PDE6B: variants seen among roughly 807,000 people sequenced by gnomAD.
PDE6B encodes phosphodiesterase 6B, also known as rod cGMP-specific 3',5'-cyclic phosphodiesterase subunit beta.
Under a neutral mutation model 109.0 loss-of-function variants are expected in PDE6B, and 106 were observed. The observed-to-expected ratio is 0.97, with a 90% CI of 0.83 to 1.14. The LOEUF (loss-of-function observed/expected upper bound fraction) is 1.14. Among genes scored for constraint, PDE6B ranks in the 50% most tolerant of loss-of-function variants. The pLI is 0.00. For missense variants in PDE6B, 1,193 were observed against 1,155.6 expected, an observed-to-expected ratio of 1.03 and a Z score of -0.47; for synonymous variants, 490 against 471.3, an observed-to-expected ratio of 1.04 and a Z score of -0.51.
In PDE6B at chr4:657,580, T is replaced by A. The variant is rs28742266; in HGVS notation, c.1401+86T>A. 0.076 allele frequency: 76,408 copies of A among 1,010,410 alleles called. 6,185 individuals are homozygous for A. The highest frequency in any genetic ancestry group is 0.32 in the African/African-American group (12,623 of 39,720). The allele number at this position is 1,010,410 out of a possible 1,614,324, so 62.6% of individuals were successfully genotyped here. A position where few individuals can be genotyped will look rare whatever the true frequency, so the allele number is the denominator to read the frequency against. ...GTCGTCCAGGGGTCACCCAGGGGTC[T>A]CGGCTGTGTGGTGGGGGCAGGTCAT... On this transcript the variant is annotated intron_variant, in intron 10 of 21. Transcript: ENST00000496514.
At chr4:664,817 C>T (rs1465232294) in intron 17 of PDE6B, 64 bp from the exon 18 acceptor site, 4 of 1,273,732 alleles carry the variant, frequency 3.1e-6, no homozygotes, top group Non-Finnish European at 4.6e-6. Flanking sequence ...AAAAAGAAAA[C>T]ACATATAAAC....
intron 11 of PDE6B, among the ~76,000 whole-genome samples, chr4:660,007 G>C (rs1577291482): frequency 6.6e-6 from 1 of 152,258 alleles, no homozygotes; most frequent in East Asian, 1.9e-4. Context: ...CTGTGTGTGT[G>C]AGCCTACATG....
chr4:657,018 A>G lies in PDE6B; in HGVS notation c.1252A>G (p.Met418Val). Residue 418 changes from methionine to valine, a missense_variant, in exon 9 of 22, where the codon ATG (methionine) becomes GTG (valine). Transcript: ENST00000496514. The stretch of plus-strand genomic sequence containing the variant: ...CTTTGACGAACAGGACGAGGTTCTC[A>G]TGGAGGTAAGCACCTGGGCAGACGT... ...KPFDEQDEVLMESLTQFLGWS... is the reference protein window; with the variant it reads ...KPFDEQDEVLVESLTQFLGWS... 2 of 1,609,644 alleles carry G rather than the reference A, an allele frequency of 1.2e-6. No homozygotes were observed. The highest frequency in any genetic ancestry group is 8.5e-7 in the Non-Finnish European group (1 of 1,176,786).
At chr4:638,245 T>C (rs1470905744) in intron 3 of PDE6B, among the ~76,000 whole-genome samples, 1 of 152,254 alleles carries the variant, frequency 6.6e-6, no homozygotes, top group African/African-American at 2.4e-5. Flanking sequence ...TCTTAATCTT[T>C]GGTGAGGTGT....
Position 670,485 on chromosome 4 carries a change from A to G in PDE6B, c.*378A>G, listed in dbSNP as rs964499783. ...CTCGAACTCCTGACCTCAGGTGATC[A>G]CCCGCCTCAGCTTCCTGAAGTGCTG... is the stretch of plus-strand genomic sequence containing the variant. On this transcript the variant is annotated 3_prime_UTR_variant, in exon 22 of 22. Transcript: ENST00000496514. The G allele has an allele frequency of 1.3e-4, 32 of 253,566 alleles. No homozygotes were observed. The highest frequency in any genetic ancestry group is 2.0e-4 in the Non-Finnish European group (26 of 127,978). 15.7% of individuals were successfully genotyped at this position (253,566 alleles called of 1,614,324 possible). A position where few individuals can be genotyped will look rare whatever the true frequency, so the allele number is the denominator to read the frequency against.
intron 17 of PDE6B, 109 bp downstream of exon 17, chr4:664,330 G>T: frequency 1.4e-6 from 1 of 736,296 alleles, no homozygotes; most frequent in Admixed American, 1.9e-5. Context: ...AGCAGGAAGA[G>T]CCCGTCGCGG....
At chr4:639,608 G>A (rs1026526118) in intron 3 of PDE6B, among the ~76,000 whole-genome samples, 1 of 152,234 alleles carries the variant, frequency 6.6e-6, no homozygotes, top group African/African-American at 2.4e-5. Context: ...CCACTGAGGT[G>A]CAGAACTGGA....
At chr4:637,277 A>T in intron 3 of PDE6B, among the ~76,000 whole-genome samples, 1 of 149,578 alleles carries the variant, frequency 6.7e-6, no homozygotes. Flanking sequence ...TGTTTTTGAG[A>T]CAGGGTCCAT....
At chr4:645,854 T>A (rs537515519) in intron 3 of PDE6B, among the ~76,000 whole-genome samples, 1 of 152,156 alleles carries the variant, frequency 6.6e-6, no homozygotes, top group East Asian at 1.9e-4. Context: ...CTCTTCCAAA[T>A]AGCATTATAC....
At chr4:652,396 AG>A in intron 3 of PDE6B, 2 of 445,334 alleles carry the variant, frequency 4.5e-6, no homozygotes, top group Non-Finnish European at 6.0e-6. Flanking sequence ...GAGAGTGGAA[AG>A]GGGGTTGCAG....
chr4:637,433 C>G (rs1340102298), intron 3 of PDE6B, among the ~76,000 whole-genome samples: 1 of 152,120 alleles, frequency 6.6e-6, no homozygotes, highest in Non-Finnish European at 1.5e-5. Context: ...GTTGGCCAGG[C>G]TGGTCTCCAA....
chr4:645,855 A>T (rs1278960952), intron 3 of PDE6B, among the ~76,000 whole-genome samples: 1 of 152,036 alleles, frequency 6.6e-6, no homozygotes, highest in East Asian at 1.9e-4. Context: ...TCTTCCAAAT[A>T]GCATTATACT....
chr4:630,355 G>C (rs1436110155), intron 1 of PDE6B, among the ~76,000 whole-genome samples: 2 of 152,170 alleles, frequency 1.3e-5, no homozygotes, highest in Non-Finnish European at 2.9e-5. Context: ...GCACCAGCCA[G>C]GCTGGGACCA....
chr4:634,902 T>C (rs1399982943), intron 2 of PDE6B, 73 bp downstream of exon 2: 7 of 1,353,380 alleles, frequency 5.2e-6, no homozygotes, highest in Non-Finnish European at 6.3e-6. Context: ...TGTTCTGTGC[T>C]GCGCATCCAC....
chr4:640,288 C>T (rs1270177667), intron 3 of PDE6B, among the ~76,000 whole-genome samples: 1 of 152,088 alleles, frequency 6.6e-6, no homozygotes, highest in Non-Finnish European at 1.5e-5. Flanking sequence ...GTAATCCCAG[C>T]ACTTTGGGAG....
intron 3 of PDE6B, among the ~76,000 whole-genome samples, chr4:647,707 C>A (rs911845350): frequency 1.3e-5 from 2 of 152,010 alleles, no homozygotes; most frequent in African/African-American, 4.8e-5. Flanking sequence ...GAGGGCTTCA[C>A]AGATGCATGG....
At position 666,711 on chromosome 4, in the gene PDE6B, G is replaced by A. The variant is rs1033289354; in HGVS notation, c.2352+97G>A. ...GAGTCGCGTGGACTCACACGGGCCC[G>A]GCGGTGTCCTCACTGGAGTAGGGAT... On this transcript the variant is annotated intron_variant, in intron 20 of 21. Coordinates refer to ENST00000496514, the MANE Select transcript of PDE6B (RefSeq NM_000283.4). The surrounding 1 kb of genome is among the most constrained non-coding windows in gnomAD (Gnocchi z 5.6). The A allele has an allele frequency of 4.1e-5, 33 of 804,292 alleles. No homozygotes were observed. Among genetic ancestry groups the A allele is most frequent in the Non-Finnish European group, 3.1e-5 (14 of 454,188 alleles). 49.8% of individuals were successfully genotyped at this position (804,292 alleles called of 1,614,324 possible).
At chr4:637,845 C>T (rs36117387) in intron 3 of PDE6B, among the ~76,000 whole-genome samples, 3,397 of 152,352 alleles carry the variant, frequency 0.022, 39 homozygotes, top group Middle Eastern at 0.041. Context: ...TGGCTTCTTC[C>T]TCTTGCTGCT....
intron 9 of PDE6B, among the ~76,000 whole-genome samples, 161 bp downstream of exon 9, chr4:657,184 G>C (rs545852204): frequency 8.4e-4 from 128 of 152,314 alleles, no homozygotes; most frequent in African/African-American, 3.1e-3. Flanking sequence ...GCCCCCCCGG[G>C]AGCAGGAGCC....
Sources: gnomAD v4.1 joint callset for allele counts (sites outside exome capture counted in the v4.1 genomes callset) on GRCh38, gnomAD v4.1.1 for gene constraint, Gnocchi (gnomAD v3.1) non-coding constraint, MANE v1.5 for transcripts, NCBI Gene and HGNC (gene_info 2026-07-23, HGNC 2026-07-21) for gene names.